SEMA3C: variants seen among roughly 807,000 people sequenced by gnomAD.
SEMA3C encodes the protein semaphorin 3C, also known as semaphorin-3C.
A neutral mutation model predicts 89.4 loss-of-function variants in SEMA3C; 47 were observed. That is an observed-to-expected ratio of 0.53 (90% CI 0.42 to 0.67). The LOEUF (loss-of-function observed/expected upper bound fraction) is 0.67, where lower values mean the gene tolerates loss of function less well. SEMA3C is among the 30% of genes least tolerant of loss of function. The pLI, the probability that SEMA3C is intolerant of heterozygous loss-of-function variation, is 0.00. For synonymous variants in SEMA3C, 310 were observed against 320.2 expected, an observed-to-expected ratio of 0.97 and a Z score of 0.34; for missense variants, 839 against 929.1, an observed-to-expected ratio of 0.90 and a Z score of 1.26.
At chr7:80,776,558 G>T (rs1487738334) in intron 12 of SEMA3C, among the ~76,000 whole-genome samples, 1 of 152,116 alleles carries the variant, frequency 6.6e-6, no homozygotes, top group Non-Finnish European at 1.5e-5. Context: ...GTCTGAAACT[G>T]CCTTTCCTTA....
At chr7:80,830,203 C>A (rs1789978181) in intron 2 of SEMA3C, among the ~76,000 whole-genome samples, 1 of 152,126 alleles carries the variant, frequency 6.6e-6, no homozygotes, top group Admixed American at 6.6e-5. Context: ...ATAATGAAAC[C>A]AGGTTCTGTT....
chr7:80,907,795 T>G (rs893394998), intron 2 of SEMA3C, among the ~76,000 whole-genome samples: 1 of 151,856 alleles, frequency 6.6e-6, no homozygotes, highest in African/African-American at 2.4e-5. Context: ...AGTCATAAGG[T>G]TTTTCTTCTG....
intron 14 of SEMA3C, among the ~76,000 whole-genome samples, chr7:80,759,921 T>C (rs1272149587): frequency 6.6e-6 from 1 of 152,198 alleles, no homozygotes; most frequent in Non-Finnish European, 1.5e-5. Flanking sequence ...TAAAATACTT[T>C]AAGGATACTA....
intron 12 of SEMA3C, among the ~76,000 whole-genome samples, chr7:80,767,725 A>T (rs1788335640): frequency 6.6e-6 from 1 of 152,202 alleles, no homozygotes; most frequent in Non-Finnish European, 1.5e-5. Context: ...AAATGTCATA[A>T]GAAGAATTAA....
At chr7:80,748,807 C>A (rs921969936) in intron 17 of SEMA3C, 91 bp downstream of exon 17, 69 of 1,309,388 alleles carry the variant, frequency 5.3e-5, no homozygotes, top group Admixed American at 1.3e-4. Flanking sequence ...TATGCCTTTC[C>A]TTTTTCCTTT....
At chr7:80,796,974 A>G (rs1789080473) in intron 11 of SEMA3C, among the ~76,000 whole-genome samples, 1 of 152,194 alleles carries the variant, frequency 6.6e-6, no homozygotes, top group South Asian at 2.1e-4. Context: ...ATAAACTCTA[A>G]TAAGAAAAAT....
At chr7:80,783,892 A>G (rs1182976950) in intron 12 of SEMA3C, among the ~76,000 whole-genome samples, 2 of 152,210 alleles carry the variant, frequency 1.3e-5, no homozygotes, top group Non-Finnish European at 2.9e-5. Flanking sequence ...AGCATGAAAC[A>G]GTATACACTA....
chr7:80,863,434 T>C (rs1232668471), intron 2 of SEMA3C, among the ~76,000 whole-genome samples: 2 of 151,656 alleles, frequency 1.3e-5, no homozygotes, highest in Non-Finnish European at 2.9e-5. Context: ...ACAGCCGCTA[T>C]GGAAAACAGT....
chr7:80,791,290 A>C, intron 11 of SEMA3C, among the ~76,000 whole-genome samples: 1 of 152,298 alleles, frequency 6.6e-6, no homozygotes, highest in African/African-American at 2.4e-5. Context: ...CTGAGTGTTA[A>C]GTTATATGAG....
chr7:80,754,956 T>TTG (rs1788024830), intron 15 of SEMA3C, among the ~76,000 whole-genome samples: 1 of 117,344 alleles, frequency 8.5e-6, no homozygotes, highest in African/African-American at 3.5e-5. Context: ...TGTTTTTTTT[T>TTG]GTTTTTTTTT....
intron 2 of SEMA3C, among the ~76,000 whole-genome samples, chr7:80,833,918 G>A (rs566549748): frequency 1.6e-4 from 25 of 152,282 alleles, no homozygotes; most frequent in Non-Finnish European, 1.2e-4. Context: ...GTTATAGAAA[G>A]TGACTGATGT....
chr7:80,864,237 T>C (rs1343436171), intron 2 of SEMA3C, among the ~76,000 whole-genome samples: 1 of 151,446 alleles, frequency 6.6e-6, no homozygotes, highest in African/African-American at 2.4e-5. Context: ...CTTTGGGGAC[T>C]TGGGGGGAAG....
chr7:80,897,571 G>A (rs1015021247), intron 2 of SEMA3C, among the ~76,000 whole-genome samples: 7 of 152,116 alleles, frequency 4.6e-5, no homozygotes, highest in African/African-American at 1.7e-4. Context: ...ATAGAAAATA[G>A]TGCCCAGATA....
rs564263256 is a variant in SEMA3C at position 80,918,719 on chromosome 7, A to G, written c.-39+109T>C. ...TCCCTGACAAACCGCGTGTGTTCTTAAGAAAATGTCCAGGCTTGAGCATAC... is the reference window on the plus strand; with the variant it reads ...TCCCTGACAAACCGCGTGTGTTCTTGAGAAAATGTCCAGGCTTGAGCATAC... On this transcript the variant is annotated intron_variant, in intron 1 of 17. Coordinates refer to ENST00000265361, the MANE Select transcript of SEMA3C (RefSeq NM_006379.5). 1,155 of 677,650 alleles carry G rather than the reference A, an allele frequency of 1.7e-3. 1 individual carries two copies. The highest frequency in any genetic ancestry group is 0.016 in the Middle Eastern group (21 of 1,334). The allele number at this position is 677,650 out of a possible 1,614,324, so 42.0% of individuals were successfully genotyped here.
chr7:80,785,653 C>T (rs1355031346), intron 12 of SEMA3C, among the ~76,000 whole-genome samples: 1 of 152,186 alleles, frequency 6.6e-6, no homozygotes, highest in South Asian at 2.1e-4. Flanking sequence ...GAGTTTCACT[C>T]TTGTTGCCCA....
chr7:80,754,957 G>GTTTTTTTTTTGTT (rs1449995090), intron 15 of SEMA3C, among the ~76,000 whole-genome samples: 31 of 108,354 alleles, frequency 2.9e-4, no homozygotes, highest in Non-Finnish European at 3.9e-4. Flanking sequence ...GTTTTTTTTT[G>GTTTTTTTTTTGTT]TTTTTTTTTT....
intron 2 of SEMA3C, among the ~76,000 whole-genome samples, chr7:80,866,884 C>A (rs1158860321): frequency 6.6e-6 from 1 of 152,098 alleles, no homozygotes; most frequent in African/African-American, 2.4e-5. Context: ...AGCTTAAAAA[C>A]GGACATATTT....
intron 2 of SEMA3C, among the ~76,000 whole-genome samples, chr7:80,882,865 C>T (rs930753294): frequency 1.3e-5 from 2 of 151,640 alleles, no homozygotes; most frequent in African/African-American, 4.8e-5. Context: ...TAAAAATAGA[C>T]ATATGAAAAT....
chr7:80,866,897 T>A (rs7784762), intron 2 of SEMA3C, among the ~76,000 whole-genome samples: 1 of 152,138 alleles, frequency 6.6e-6, no homozygotes, highest in Admixed American at 6.6e-5. Context: ...ACATATTTTC[T>A]GACTACATGT....
Sources: allele counts gnomAD v4.1 joint callset (sites outside exome capture counted in the v4.1 genomes callset), GRCh38; gene constraint gnomAD v4.1.1; transcripts MANE v1.5; gene names NCBI Gene and HGNC (gene_info 2026-07-23, HGNC 2026-07-21).